The following COX14 variants were observed in gnomAD, a reference collection of about 807,000 sequenced individuals.
COX14 encodes the protein cytochrome c oxidase assembly protein COX14.
A neutral mutation model predicts 5.8 loss-of-function variants in COX14; 3 were observed. The ratio of observed to expected loss-of-function variants is 0.51; its 90% CI spans 0.23 to 1.33. The LOEUF is 1.33. COX14 is among the 40% of genes most tolerant of loss of function. COX14 has a pLI of 0.18. For synonymous variants in COX14, 25 were observed against 26.1 expected (o/e 0.96, Z 0.13); for missense variants, 72 against 72.1 (o/e 1.00, Z 0.01).
chr12:50,120,304 C>A lies in COX14; in HGVS notation c.*87C>A. 1.7e-6 allele frequency: 2 copies of A among 1,153,830 alleles called. No homozygotes were observed. The highest frequency in any genetic ancestry group is 2.5e-6 in the Non-Finnish European group (2 of 809,038). 71.5% of individuals were successfully genotyped at this position (1,153,830 alleles called of 1,614,324 possible). ...TGCCACCATTTCCAGGTCAACAGGA[C>A]TAGAGCGTTGATGGTTTTCAAACCC... On this transcript the variant is annotated 3_prime_UTR_variant, in exon 2 of 2. Coordinates refer to ENST00000550487, the MANE Select transcript of COX14 (RefSeq NM_032901.4).
chr12:50,113,030 T>TTGTTG (rs1432672260), intron 1 of COX14: 6 of 150,750 alleles, frequency 4.0e-5, no homozygotes, highest in African/African-American at 7.3e-5. Context: ...AGGTTTTTTT[T>TTGTTG]TTGTTGTTGT....
chr12:50,114,138 G>A (rs1464341905), intron 1 of COX14, among the ~76,000 whole-genome samples: 1 of 139,992 alleles, frequency 7.1e-6, no homozygotes, highest in Non-Finnish European at 1.5e-5. Context: ...TAACACACTG[G>A]AAAGATACAG....
At chr12:50,114,854 G>A (rs1951065884) in intron 1 of COX14, among the ~76,000 whole-genome samples, 1 of 120,308 alleles carries the variant, frequency 8.3e-6, no homozygotes, top group African/African-American at 3.1e-5. Flanking sequence ...TGCAACTTCC[G>A]CCTCCTGGGT....
chr12:50,113,787 C>T (rs1207381170), intron 1 of COX14, among the ~76,000 whole-genome samples: 2 of 152,024 alleles, frequency 1.3e-5, no homozygotes, highest in African/African-American at 2.4e-5. Context: ...CATGTGCCAC[C>T]ATGCCTGGCT....
At chr12:50,118,103 C>G (rs1397990381) in intron 1 of COX14, among the ~76,000 whole-genome samples, 1 of 147,884 alleles carries the variant, frequency 6.8e-6, no homozygotes, top group African/African-American at 2.5e-5. Context: ...CTGGAATGCA[C>G]TGGCGCAATC....
chr12:50,117,718 CAGGCA>C (rs1455145157), intron 1 of COX14, among the ~76,000 whole-genome samples: 1 of 150,776 alleles, frequency 6.6e-6, no homozygotes, highest in Non-Finnish European at 1.5e-5. Flanking sequence ...AGCAGGGACG[CAGGCA>C]TGCACCACCA....
intron 1 of COX14, among the ~76,000 whole-genome samples, chr12:50,116,694 C>T (rs991337896): frequency 6.6e-6 from 1 of 152,200 alleles, no homozygotes; most frequent in Non-Finnish European, 1.5e-5. Context: ...TAGCGTTCAG[C>T]TCCATGGGTG....
intron 1 of COX14, chr12:50,118,369 G>A: frequency 1.0e-6 from 1 of 957,154 alleles, no homozygotes; most frequent in Non-Finnish European, 1.2e-6. Flanking sequence ...TCTGAACACA[G>A]TCTTGCCTTT....
Position 50,112,248 on chromosome 12 carries a change from A to T in COX14, c.-62A>T. ...AAGTTGCGTAGACAGTGGCCTCGAG[A>T]CCCTGCCTGCCTGAGGAGGCCTCGG... On this transcript the variant is annotated 5_prime_UTR_variant, in exon 1 of 2. Transcript: ENST00000550487. 6.3e-6 allele frequency: 6 copies of T among 958,446 alleles called. No individual in the cohort carries two copies. Among genetic ancestry groups the T allele is most frequent in the Non-Finnish European group, 7.5e-6 (6 of 805,342 alleles). 59.4% of individuals were successfully genotyped at this position (958,446 alleles called of 1,614,324 possible).
intron 1 of COX14, among the ~76,000 whole-genome samples, chr12:50,116,248 A>G (rs1026291217): frequency 6.6e-6 from 1 of 151,988 alleles, no homozygotes; most frequent in Non-Finnish European, 1.5e-5. Flanking sequence ...ATCCGCCACC[A>G]CGCCTGGCTA....
At chr12:50,117,350 G>GGT (rs138351639) in intron 1 of COX14, among the ~76,000 whole-genome samples, 5 of 151,662 alleles carry the variant, frequency 3.3e-5, no homozygotes, top group East Asian at 1.9e-4. Flanking sequence ...TGTATGCTTT[G>GGT]GTGTGTGTGT....
intron 1 of COX14, among the ~76,000 whole-genome samples, chr12:50,114,786 T>A (rs1182673346): frequency 1.5e-5 from 2 of 131,442 alleles, no homozygotes; most frequent in African/African-American, 5.7e-5. Context: ...TTTTTTTTTT[T>A]TTTTTTTTTT....
At chr12:50,118,083 G>A (rs1413216352) in intron 1 of COX14, among the ~76,000 whole-genome samples, 1 of 142,042 alleles carries the variant, frequency 7.0e-6, no homozygotes, top group Admixed American at 7.3e-5. Flanking sequence ...CTCACTCCCC[G>A]TCATCCAGGC....
At chr12:50,119,343 C>T (rs150769807) in intron 1 of COX14, among the ~76,000 whole-genome samples, 62 of 152,322 alleles carry the variant, frequency 4.1e-4, no homozygotes, top group African/African-American at 1.4e-3. Flanking sequence ...TCTGCTACCT[C>T]CATTAGTTCC....
intron 1 of COX14, among the ~76,000 whole-genome samples, chr12:50,116,958 T>A (rs1192512458): frequency 6.6e-6 from 1 of 152,208 alleles, no homozygotes; most frequent in Non-Finnish European, 1.5e-5. Flanking sequence ...TATTTACATG[T>A]CTGTACCCAT....
rs887455872 is a variant in COX14, at chr12:50,112,257, G to A, written c.-53G>A. 1.0e-4 allele frequency: 101 copies of A among 979,114 alleles called. 1 individual carries two copies. The South Asian group carries it at 3.5e-3, about 34-fold the overall frequency. 60.7% of individuals were successfully genotyped at this position (979,114 alleles called of 1,614,324 possible). A position where few individuals can be genotyped will look rare whatever the true frequency, so the allele number is the denominator to read the frequency against. ...AGACAGTGGCCTCGAGACCCTGCCT[G>A]CCTGAGGAGGCCTCGGTTGGATGCG... On this transcript the variant is annotated 5_prime_UTR_variant, in exon 1 of 2. Transcript: ENST00000550487.
At chr12:50,117,671 TG>T (rs1372617488) in intron 1 of COX14, among the ~76,000 whole-genome samples, 1 of 151,128 alleles carries the variant, frequency 6.6e-6, no homozygotes, top group Non-Finnish European at 1.5e-5. Flanking sequence ...CCTCTGCCTC[TG>T]GGATTCAAGC....
At chr12:50,120,005 C>A in intron 1 of COX14, 31 bp from the exon 2 acceptor site, 4 of 1,585,446 alleles carry the variant, frequency 2.5e-6, no homozygotes, top group South Asian at 1.1e-5. Flanking sequence ...GAGGCCTTAT[C>A]CTCAGGTCTA....
intron 1 of COX14, among the ~76,000 whole-genome samples, chr12:50,118,999 G>A (rs1362037963): frequency 3.3e-5 from 5 of 152,102 alleles, no homozygotes; most frequent in African/African-American, 1.2e-4. Flanking sequence ...AATATCCAGG[G>A]AACAGTTAAA....
Sources: allele counts gnomAD v4.1 joint callset (sites outside exome capture counted in the v4.1 genomes callset), GRCh38; gene constraint gnomAD v4.1.1; transcripts MANE v1.5; gene names NCBI Gene and HGNC (gene_info 2026-07-23, HGNC 2026-07-21).